The following GGACT variants were observed in gnomAD, a reference collection of about 807,000 sequenced individuals.
GGACT encodes gamma-glutamylamine cyclotransferase.
For missense variants in GGACT, 241 were observed against 233.2 expected (o/e 1.03, Z -0.22); for synonymous variants, 118 against 115.3 (o/e 1.02, Z -0.15).
chr13:100,565,281 T>C (rs1410378450), intron 2 of GGACT, among the ~76,000 whole-genome samples: 1 of 152,202 alleles, frequency 6.6e-6, no homozygotes, highest in Non-Finnish European at 1.5e-5. Context: ...CCTTTAACCA[T>C]CATGCTGAAA....
rs746775393 is a variant in GGACT, at chr13:100,545,359, C to T, written c.-10-12758G>A. The stretch of plus-strand genomic sequence containing the variant: ...GTGAAGTGACTCACACACAAGGCGA[C>T]CCAGGCAAGGGCAGCAGAGCCTTCA... On this transcript the variant is annotated intron_variant, in intron 2 of 2. Transcript: ENST00000683975. The surrounding 1 kb of genome is among the most constrained non-coding windows in gnomAD (Gnocchi z 4.4). Among the ~76,000 whole-genome samples the T allele has an allele frequency of 6.6e-6, 1 of 152,204 alleles. No homozygotes were observed. The highest frequency in any genetic ancestry group is 6.5e-5 in the Admixed American group (1 of 15,288).
chr13:100,553,371 A>G lies in GGACT; in HGVS notation c.-10-20770T>C, dbSNP rs368582268. Among the ~76,000 whole-genome samples, 6 of 152,322 alleles carry G rather than the reference A, an allele frequency of 3.9e-5. No individual in the cohort carries two copies. The East Asian group carries it at 7.7e-4, about 20-fold the overall frequency. On this transcript the variant is annotated intron_variant, in intron 2 of 2. Coordinates refer to ENST00000683975, the MANE Select transcript of GGACT (RefSeq NM_001195087.2). Reference sequence around the variant, plus strand: ...TCAGCACCAGGTGTCATATCCCCAAAGCAGACACAACTGAAATGTCCACCA... The same window carrying G: ...TCAGCACCAGGTGTCATATCCCCAAGGCAGACACAACTGAAATGTCCACCA...
chr13:100,587,479 AG>A (rs1172302637), intron 1 of GGACT, among the ~76,000 whole-genome samples: 3 of 152,222 alleles, frequency 2.0e-5, no homozygotes, highest in Non-Finnish European at 2.9e-5. Flanking sequence ...CTGCTTATTC[AG>A]GGAAGTCTGG....
At position 100,531,871 on chromosome 13, in the gene GGACT, C is replaced by T. The variant is rs946938243; in HGVS notation, c.*259G>A. 6 of 392,380 alleles carry T rather than the reference C, an allele frequency of 1.5e-5. No individual in the cohort carries two copies. Among genetic ancestry groups the T allele is most frequent in the African/African-American group, 4.1e-5 (2 of 48,362 alleles). 24.3% of individuals were successfully genotyped at this position (392,380 alleles called of 1,614,324 possible). A position where few individuals can be genotyped will look rare whatever the true frequency, so the allele number is the denominator to read the frequency against. ...AACACGAGGAGGAAGAAGAATTAGG[C>T]ATAACACGAGTTCTCTAAATGTCAT... On this transcript the variant is annotated 3_prime_UTR_variant, in exon 3 of 3. Coordinates refer to ENST00000683975, the MANE Select transcript of GGACT (RefSeq NM_001195087.2).
chr13:100,544,113 T>C (rs1373827915), intron 2 of GGACT, among the ~76,000 whole-genome samples: 1 of 152,234 alleles, frequency 6.6e-6, no homozygotes, highest in Non-Finnish European at 1.5e-5. Flanking sequence ...GAGAGGGTTT[T>C]TCTTACTTTA....
intron 2 of GGACT, among the ~76,000 whole-genome samples, chr13:100,578,689 T>C (rs1875326183): frequency 6.6e-6 from 1 of 152,170 alleles, no homozygotes. Context: ...TCTCCTCTTA[T>C]AAGTTTTTAT....
At chr13:100,587,129 C>G (rs1875603247) in intron 1 of GGACT, 1 of 152,224 alleles carries the variant, frequency 6.6e-6, no homozygotes, top group Non-Finnish European at 1.5e-5. Context: ...CACTTCCACA[C>G]CAGCCTGCTG....
chr13:100,552,390 C>A (rs934385868), intron 2 of GGACT, among the ~76,000 whole-genome samples: 2 of 152,154 alleles, frequency 1.3e-5, no homozygotes, highest in Non-Finnish European at 2.9e-5. Context: ...AAAATCTACA[C>A]GCCACCCCCC....
At chr13:100,542,056 C>T (rs1248448896) in intron 2 of GGACT, among the ~76,000 whole-genome samples, 1 of 152,070 alleles carries the variant, frequency 6.6e-6, no homozygotes, top group Non-Finnish European at 1.5e-5. Flanking sequence ...AACTTGTCCC[C>T]ATGGGGACTG....
At position 100,542,312 on chromosome 13, in the gene GGACT, C is replaced by T. The variant is rs182406772; in HGVS notation, c.-10-9711G>A. Among the ~76,000 whole-genome samples, 21 of 152,316 alleles carry T rather than the reference C, an allele frequency of 1.4e-4. No individual in the cohort carries two copies. The East Asian group carries it at 4.0e-3, about 29-fold the overall frequency. Reference sequence around the variant, plus strand: ...GTTTGTTTCATGGGACAAGATCGTCCTTCATGACGCTGTGGAAACGTTGGG... The same window carrying T: ...GTTTGTTTCATGGGACAAGATCGTCTTTCATGACGCTGTGGAAACGTTGGG... On this transcript the variant is annotated intron_variant, in intron 2 of 2. Coordinates refer to ENST00000683975, the MANE Select transcript of GGACT (RefSeq NM_001195087.2).
At chr13:100,533,207 A>G (rs1594180192) in intron 2 of GGACT, 1 of 157,756 alleles carries the variant, frequency 6.3e-6, no homozygotes. Flanking sequence ...CGCCCTGTCC[A>G]GGCCCTAGTA....
Position 100,532,036 on chromosome 13 carries a change from G to A in GGACT, c.*94C>T, listed in dbSNP as rs1386196737. The A allele has an allele frequency of 1.2e-6, 1 of 811,818 alleles. No homozygotes were observed. The highest frequency in any genetic ancestry group is 1.8e-6 in the Non-Finnish European group (1 of 570,172). 50.3% of individuals were successfully genotyped at this position (811,818 alleles called of 1,614,324 possible). On this transcript the variant is annotated 3_prime_UTR_variant, in exon 3 of 3. Transcript: ENST00000683975. ...TCCTTTCCGGCAGATTCATTGGAAA[G>A]GGCCCTGTTCGGCTTCCGCCTTCAC...
intron 2 of GGACT, among the ~76,000 whole-genome samples, chr13:100,569,260 G>A (rs560836126): frequency 6.6e-6 from 1 of 152,376 alleles, no homozygotes; most frequent in East Asian, 1.9e-4. Context: ...GGTTCTCTAT[G>A]AGGGCTCTGC....
rs1011681659 is a variant in GGACT at position 100,587,538 on chromosome 13, C to T, written c.-184+1203G>A. ...GAAAACAAGGCATTTTGGGAAAATA[C>T]GGGCAAACTGCAGGTGCTCTTCATC... On this transcript the variant is annotated intron_variant, in intron 1 of 2. Transcript: ENST00000683975. 5.3e-4 allele frequency among the ~76,000 whole-genome samples: 81 copies of T among 152,180 alleles called. 1 individual carries two copies. Among genetic ancestry groups the T allele is most frequent in the Non-Finnish European group, 1.5e-4 (10 of 68,032 alleles).
chr13:100,535,090 G>A (rs1243122879), intron 2 of GGACT, among the ~76,000 whole-genome samples: 1 of 152,228 alleles, frequency 6.6e-6, no homozygotes, highest in Non-Finnish European at 1.5e-5. Context: ...TGAGGAAGCC[G>A]AGTCCCAGGC....
At chr13:100,547,082 A>C (rs950520593) in intron 2 of GGACT, among the ~76,000 whole-genome samples, 3 of 152,200 alleles carry the variant, frequency 2.0e-5, no homozygotes, top group Admixed American at 1.3e-4. Context: ...TACAGGTTCA[A>C]ACATAGCCCT....
At position 100,531,528 on chromosome 13, in the gene GGACT, T is replaced by TCAAA. The variant is rs1433911720; in HGVS notation, c.*598_*601dup. 6.6e-6 allele frequency: 1 copy of TCAAA among 152,084 alleles called. No homozygotes were observed. Among genetic ancestry groups the TCAAA allele is most frequent in the Non-Finnish European group, 1.5e-5 (1 of 68,008 alleles). The allele number at this position is 152,084 out of a possible 1,614,324, so 9.4% of individuals were successfully genotyped here. A position where few individuals can be genotyped will look rare whatever the true frequency, so the allele number is the denominator to read the frequency against. ...ATAAGTATACCAAAAAACGTGGGGG[T>TCAAA]CAAACACAGTACCAACACTTTTATA... On this transcript the variant is annotated 3_prime_UTR_variant, in exon 3 of 3. Transcript: ENST00000683975.
intron 2 of GGACT, among the ~76,000 whole-genome samples, chr13:100,569,489 A>AG (rs1875014949): frequency 6.6e-6 from 1 of 152,218 alleles, no homozygotes; most frequent in Non-Finnish European, 1.5e-5. Flanking sequence ...ACTGGGAGGC[A>AG]GGGGGGCACC....
intron 2 of GGACT, among the ~76,000 whole-genome samples, chr13:100,548,992 A>G (rs1277834922): frequency 6.6e-6 from 1 of 152,252 alleles, no homozygotes; most frequent in Non-Finnish European, 1.5e-5. Context: ...GCAAGATGTC[A>G]AATTTAAAAT....
Sources: allele counts gnomAD v4.1 joint callset (sites outside exome capture counted in the v4.1 genomes callset), GRCh38; gene constraint gnomAD v4.1.1; non-coding constraint Gnocchi (gnomAD v3.1); transcripts MANE v1.5; gene names NCBI Gene and HGNC (gene_info 2026-07-23, HGNC 2026-07-21).